The following GPR176 variants were observed in gnomAD, a reference collection of about 807,000 sequenced individuals.
GPR176 encodes G-protein coupled receptor 176.
A neutral mutation model predicts 35.4 loss-of-function variants in GPR176; 26 were observed. The observed-to-expected ratio is 0.74, with a 90% CI of 0.54 to 1.02. The LOEUF (loss-of-function observed/expected upper bound fraction) is 1.02, where lower values mean the gene tolerates loss of function less well. GPR176 is among the 50% of genes least tolerant of loss of function. The pLI is 0.00. For missense variants in GPR176, 597 were observed against 665.3 expected (o/e 0.90, Z 1.13); for synonymous variants, 278 against 271.3 (o/e 1.02, Z -0.24).
intron 1 of GPR176, chr15:39,828,963 G>C (rs1248758050): frequency 1.5e-6 from 1 of 650,382 alleles, no homozygotes; most frequent in Non-Finnish European, 2.8e-6. Flanking sequence ...CCAGAATTTA[G>C]TGAATACTTA....
chr15:39,879,432 A>C (rs1275317227), intron 1 of GPR176, among the ~76,000 whole-genome samples: 1 of 152,186 alleles, frequency 6.6e-6, no homozygotes, highest in Non-Finnish European at 1.5e-5. Flanking sequence ...AAGCAACTTC[A>C]TCCCAAAGGT....
intron 2 of GPR176, among the ~76,000 whole-genome samples, chr15:39,805,307 G>C (rs1020778873): frequency 5.4e-4 from 82 of 152,096 alleles, no homozygotes; most frequent in Non-Finnish European, 1.2e-4. Context: ...AAAAGCAATG[G>C]AAGAGACATG....
At chr15:39,829,108 G>A (rs1040770587) in intron 1 of GPR176, 12 of 1,296,832 alleles carry the variant, frequency 9.3e-6, no homozygotes, top group Non-Finnish European at 1.3e-5. Flanking sequence ...AGAAGCAGTG[G>A]AGCTGGCATT....
chr15:39,809,539 A>C (rs1899407250), intron 1 of GPR176, among the ~76,000 whole-genome samples: 1 of 152,148 alleles, frequency 6.6e-6, no homozygotes, highest in Admixed American at 6.5e-5. Flanking sequence ...TAAGTAACAA[A>C]ATTTTCAACC....
At position 39,919,928 on chromosome 15, in the gene GPR176, C is replaced by T. The variant is rs1019768608; in HGVS notation, c.99G>A (p.Glu33=). The change falls in exon 1 of 3, where the codon GAG becomes GAA. Residue 33 remains glutamate (E), a synonymous_variant. Coordinates refer to ENST00000561100, the MANE Select transcript of GPR176 (RefSeq NM_007223.3). Reference sequence around the variant, plus strand: ...GGCGGTACAGCTGCGCCTCGCCGAACTCCCCGAGCGCGCTGCGGTTCACAC... The same window carrying T: ...GGCGGTACAGCTGCGCCTCGCCGAATTCCCCGAGCGCGCTGCGGTTCACAC... ...AAGVNRSALG[E]FGEAQLYRQF... is the part of the protein sequence containing the mutation. 2.0e-6 allele frequency: 3 copies of T among 1,524,670 alleles called. No individual in the cohort carries two copies. Among genetic ancestry groups the T allele is most frequent in the African/African-American group, 2.9e-5 (2 of 70,042 alleles). 94.4% of individuals were successfully genotyped at this position (1,524,670 alleles called of 1,614,324 possible).
intron 1 of GPR176, among the ~76,000 whole-genome samples, chr15:39,865,921 T>TGTAACG (rs937858932): frequency 5.9e-5 from 9 of 152,086 alleles, no homozygotes; most frequent in African/African-American, 2.2e-4. Flanking sequence ...TAGCATTAGT[T>TGTAACG]GTAACGGTGA....
At chr15:39,842,246 A>G (rs892058469) in intron 1 of GPR176, among the ~76,000 whole-genome samples, 1 of 152,136 alleles carries the variant, frequency 6.6e-6, no homozygotes, top group African/African-American at 2.4e-5. Context: ...CAGAAGGCAA[A>G]GGGGAAGCCA....
At chr15:39,887,812 A>G (rs956833011) in intron 1 of GPR176, among the ~76,000 whole-genome samples, 1 of 152,202 alleles carries the variant, frequency 6.6e-6, no homozygotes, top group African/African-American at 2.4e-5. Flanking sequence ...GTTGAAGGGT[A>G]GCTGAATATG....
At position 39,806,945 on chromosome 15, in the gene GPR176, T is replaced by C. The variant is rs572353126; in HGVS notation, c.425+61A>G. 155 of 1,487,794 alleles carry C rather than the reference T, an allele frequency of 1.0e-4. 2 individuals are homozygous for C. The South Asian group carries it at 2.0e-3, about 19-fold the overall frequency. The allele number at this position is 1,487,794 out of a possible 1,614,324, so 92.2% of individuals were successfully genotyped here. On this transcript the variant is annotated intron_variant, in intron 2 of 2. Coordinates refer to ENST00000561100, the MANE Select transcript of GPR176 (RefSeq NM_007223.3). ...CATTGACTACTCATCATTTGCTTCA[T>C]GATGCTAATTTTTTAATACAACTTA...
intron 1 of GPR176, among the ~76,000 whole-genome samples, chr15:39,903,104 T>C (rs1181232736): frequency 1.3e-5 from 2 of 152,216 alleles, no homozygotes; most frequent in Admixed American, 1.3e-4. Flanking sequence ...TTGGCTAATG[T>C]AAGTGTTCTG....
chr15:39,894,713 G>A (rs1385005774), intron 1 of GPR176, among the ~76,000 whole-genome samples: 3 of 150,826 alleles, frequency 2.0e-5, no homozygotes, highest in Non-Finnish European at 3.0e-5. Flanking sequence ...GCGGCCGGGC[G>A]GAGACGCTCC....
chr15:39,906,974 A>G (rs770730), intron 1 of GPR176, among the ~76,000 whole-genome samples: 150,854 of 152,298 alleles, frequency 0.99, 74,717 homozygotes, highest in Middle Eastern at 1. Flanking sequence ...AAGGGAGAAC[A>G]CCACACAAAC....
chr15:39,891,196 A>G (rs2032858588), intron 1 of GPR176, among the ~76,000 whole-genome samples: 1 of 152,192 alleles, frequency 6.6e-6, no homozygotes, highest in African/African-American at 2.4e-5. Flanking sequence ...CTTAGCAAAT[A>G]GACTAGAGCC....
chr15:39,857,878 G>A (rs1316745859), intron 1 of GPR176, among the ~76,000 whole-genome samples: 1 of 151,522 alleles, frequency 6.6e-6, no homozygotes, highest in East Asian at 1.9e-4. Context: ...GGCTGAGGCA[G>A]GAGAATGGCG....
intron 1 of GPR176, among the ~76,000 whole-genome samples, chr15:39,835,243 C>G (rs1274020163): frequency 6.6e-6 from 1 of 152,006 alleles, no homozygotes; most frequent in Middle Eastern, 3.2e-3. Context: ...TGGTCTCGAA[C>G]TCCTGACCTC....
intron 1 of GPR176, chr15:39,829,291 CTT>C: frequency 7.1e-7 from 1 of 1,408,316 alleles, no homozygotes; most frequent in South Asian, 1.5e-5. Flanking sequence ...AGGGAAAGAA[CTT>C]GGTGAGAGTA....
intron 1 of GPR176, among the ~76,000 whole-genome samples, chr15:39,839,073 T>G (rs1901584202): frequency 6.6e-6 from 1 of 152,174 alleles, no homozygotes; most frequent in African/African-American, 2.4e-5. Flanking sequence ...AGGTAATTTA[T>G]AGATTCAGTG....
intron 1 of GPR176, among the ~76,000 whole-genome samples, chr15:39,869,702 A>G (rs1349468223): frequency 6.6e-6 from 1 of 151,960 alleles, no homozygotes; most frequent in East Asian, 1.9e-4. Context: ...TCAAAGGCCT[A>G]CTGTCTCTTT....
At position 39,879,076 on chromosome 15, in the gene GPR176, G is replaced by A. The variant is rs140518402; in HGVS notation, c.172+40779C>T. ...GCTGTAATGATACTACAACAGTACC[G>A]TAAGTGCCACATTTAATGGAAGAAA... On this transcript the variant is annotated intron_variant, in intron 1 of 2. Coordinates refer to ENST00000561100, the MANE Select transcript of GPR176 (RefSeq NM_007223.3). Among the ~76,000 whole-genome samples the A allele has an allele frequency of 2.9e-4, 44 of 152,344 alleles. No individual in the cohort carries two copies. The South Asian group carries it at 4.1e-3, about 14-fold the overall frequency.
Sources: gnomAD v4.1 joint callset for allele counts (sites outside exome capture counted in the v4.1 genomes callset) on GRCh38, gnomAD v4.1.1 for gene constraint, MANE v1.5 for transcripts, NCBI Gene and HGNC (gene_info 2026-07-23, HGNC 2026-07-21) for gene names.